Variants in LRRC37A2 observed in about 807,000 individuals in gnomAD.
LRRC37A2 encodes leucine-rich repeat-containing protein 37A2.
A neutral mutation model predicts 68.8 loss-of-function variants in LRRC37A2; 9 were observed. The ratio of observed to expected loss-of-function variants is 0.13; its 90% CI spans 0.08 to 0.23. The LOEUF (loss-of-function observed/expected upper bound fraction) is 0.23. Among genes scored for constraint, LRRC37A2 ranks in the 10% least tolerant of loss-of-function variants. The pLI is 1.00. For missense variants in LRRC37A2, 168 were observed against 950.4 expected (o/e 0.18, Z 10.82); for synonymous variants, 63 against 367.6 (o/e 0.17, Z 9.48).
At chr17:46,801,542 C>T in the LRRC37A2 span, among the ~76,000 whole-genome samples, 1 of 152,276 alleles carries the variant, frequency 6.6e-6, no homozygotes, top group East Asian at 1.9e-4. Context: ...ATAGCTTGAA[C>T]CTGGGAGGCG....
the LRRC37A2 span, chr17:46,749,862 C>T: frequency 2.4e-5 from 38 of 1,614,022 alleles, no homozygotes; most frequent in South Asian, 3.3e-5. Context: ...CCACCATCCA[C>T]GTGCCCAACA....
chr17:46,878,533 A>G, the LRRC37A2 span, among the ~76,000 whole-genome samples: 1 of 152,286 alleles, frequency 6.6e-6, no homozygotes, highest in East Asian at 1.9e-4. Flanking sequence ...CACCTGGCCC[A>G]CACCTTGGCA....
chr17:46,870,039 T>C, the LRRC37A2 span, among the ~76,000 whole-genome samples: 1 of 152,108 alleles, frequency 6.6e-6, no homozygotes, highest in Non-Finnish European at 1.5e-5. Flanking sequence ...ATATGACATA[T>C]ACTGTAGCTA....
At chr17:46,939,104 G>A in the LRRC37A2 span, 1 of 1,202,962 alleles carries the variant, frequency 8.3e-7, no homozygotes, top group Non-Finnish European at 1.1e-6. Context: ...TGAGCCCTGT[G>A]TGCAGGACTG....
the LRRC37A2 span, among the ~76,000 whole-genome samples, chr17:46,998,243 A>G: frequency 0.7 from 106,476 of 152,088 alleles, 37,888 homozygotes; most frequent in Middle Eastern, 0.78. Context: ...CCAGCAGCCT[A>G]TCTCTTATTA....
the LRRC37A2 span, among the ~76,000 whole-genome samples, chr17:46,403,944 C>T: frequency 3.4e-5 from 2 of 59,096 alleles, no homozygotes; most frequent in African/African-American, 1.3e-4. Flanking sequence ...TCATGATCCA[C>T]CCACCTCGGC....
chr17:46,502,696 G>A, the LRRC37A2 span, among the ~76,000 whole-genome samples: 9 of 151,264 alleles, frequency 5.9e-5, no homozygotes, highest in African/African-American at 9.9e-5. Context: ...TAAAATCAAG[G>A]AAAGGCCTAA....
the LRRC37A2 span, among the ~76,000 whole-genome samples, chr17:46,855,520 C>T: frequency 6.6e-6 from 1 of 152,160 alleles, no homozygotes; most frequent in African/African-American, 2.4e-5. Flanking sequence ...CTAAGGTTCC[C>T]TAATGCTAAC....
chr17:46,710,347 T>C, the LRRC37A2 span, among the ~76,000 whole-genome samples: 495 of 152,342 alleles, frequency 3.2e-3, 5 homozygotes, highest in African/African-American at 0.012. Context: ...AGCTCCAATA[T>C]GTAGTGAACA....
the LRRC37A2 span, among the ~76,000 whole-genome samples, chr17:46,717,727 T>G: frequency 6.6e-6 from 1 of 151,716 alleles, no homozygotes; most frequent in African/African-American, 2.4e-5. Context: ...TAAAATAAAA[T>G]AATGTGTCGT....
At chr17:46,987,241 T>C in the LRRC37A2 span, among the ~76,000 whole-genome samples, 1 of 151,674 alleles carries the variant, frequency 6.6e-6, no homozygotes. Flanking sequence ...AGACTCCATC[T>C]CAAAAATAAC....
chr17:46,987,319 A>T, the LRRC37A2 span, among the ~76,000 whole-genome samples: 1 of 152,068 alleles, frequency 6.6e-6, no homozygotes, highest in African/African-American at 2.4e-5. Flanking sequence ...AGAACATCAG[A>T]AGAGATGGCT....
chr17:46,938,209 T>A, the LRRC37A2 span, among the ~76,000 whole-genome samples: 1 of 152,196 alleles, frequency 6.6e-6, no homozygotes, highest in Non-Finnish European at 1.5e-5. Flanking sequence ...CTAGAAGCTT[T>A]AATTGTGGCT....
the LRRC37A2 span, chr17:47,018,861 T>G: frequency 3.9e-6 from 6 of 1,519,398 alleles, no homozygotes; most frequent in African/African-American, 1.4e-5. Flanking sequence ...CACTCCAGAA[T>G]CCATGACAGA....
chr17:46,381,109 A>G, the LRRC37A2 span, among the ~76,000 whole-genome samples: 1 of 9,034 alleles, frequency 1.1e-4, no homozygotes, highest in African/African-American at 1.2e-4. Flanking sequence ...AAAAAAAAAA[A>G]AAAAAAAAGA....
At chr17:46,716,044 A>G in the LRRC37A2 span, among the ~76,000 whole-genome samples, 1 of 152,234 alleles carries the variant, frequency 6.6e-6, no homozygotes, top group Non-Finnish European at 1.5e-5. Flanking sequence ...AGAGAAAGGA[A>G]TGAAGCATAG....
At chr17:46,872,828 G>A in the LRRC37A2 span, 4 of 1,503,922 alleles carry the variant, frequency 2.7e-6, no homozygotes, top group Admixed American at 1.9e-5. Context: ...CTTCAGGGAG[G>A]AGGAGGCTGG....
chr17:46,920,255 T>C, the LRRC37A2 span, among the ~76,000 whole-genome samples: 1 of 152,210 alleles, frequency 6.6e-6, no homozygotes, highest in Non-Finnish European at 1.5e-5. Context: ...CCCACGGAAA[T>C]GGTACTTTGT....
At chr17:46,805,029 G>A in the LRRC37A2 span, among the ~76,000 whole-genome samples, 1 of 150,694 alleles carries the variant, frequency 6.6e-6, no homozygotes, top group African/African-American at 2.4e-5. Context: ...CTCACTCTTG[G>A]GGTCCTTAAG....
Sources: gnomAD v4.1 joint callset for allele counts (sites outside exome capture counted in the v4.1 genomes callset) on GRCh38, gnomAD v4.1.1 for gene constraint, MANE v1.5 for transcripts, NCBI Gene and HGNC (gene_info 2026-07-23, HGNC 2026-07-21) for gene names.